The following NINJ2 variants were observed in gnomAD, a reference collection of about 807,000 sequenced individuals.
NINJ2 encodes ninjurin 2.
In NINJ2, 12 loss-of-function variants were observed where a neutral mutation model predicts 11.7. The ratio of observed to expected loss-of-function variants is 1.02; its 90% CI spans 0.66 to 1.66. The LOEUF (loss-of-function observed/expected upper bound fraction) is 1.66, where lower values mean the gene tolerates loss of function less well. Among genes scored for constraint, NINJ2 ranks in the 40% most tolerant of loss-of-function variants. The probability of loss-of-function intolerance (pLI) is 0.00; values close to 1 mark genes in which losing one functional copy is unlikely to be tolerated. For synonymous variants in NINJ2, 93 were observed against 76.8 expected (o/e 1.21, Z -1.10); for missense variants, 187 against 181.8 (o/e 1.03, Z -0.16).
intron 1 of NINJ2, among the ~76,000 whole-genome samples, chr12:662,225 C>T (rs545571110): frequency 2.6e-5 from 4 of 152,294 alleles, no homozygotes; most frequent in East Asian, 1.9e-4. Context: ...GCGGTGGGAC[C>T]GCTCTCGGGG....
chr12:637,772 C>T (rs1948370429), intron 1 of NINJ2, among the ~76,000 whole-genome samples: 1 of 152,132 alleles, frequency 6.6e-6, no homozygotes, highest in Admixed American at 6.5e-5. Context: ...CCTGTGGCAA[C>T]CAGGTGTTGC....
chr12:610,711 C>T (rs1948017353), intron 1 of NINJ2: 1 of 501,338 alleles, frequency 2.0e-6, no homozygotes. Flanking sequence ...AGGACAACCA[C>T]AGCACTGGAA....
At chr12:576,458 A>G (rs1280381105) in intron 1 of NINJ2, among the ~76,000 whole-genome samples, 1 of 152,058 alleles carries the variant, frequency 6.6e-6, no homozygotes, top group Non-Finnish European at 1.5e-5. Context: ...GTGCGTTGAA[A>G]CCGGAACTCG....
In NINJ2 at chr12:580,886, ATGTGTCTG is replaced by A. The variant is rs933982923; in HGVS notation, c.34-14716_34-14709del. Reference sequence around the variant, plus strand: ...AGTGTCTGTGTGAATGTGTCTATGCATGTGTCTGTGTGTCTGTGTGTGTGTCTGTATGT... The same window carrying A: ...AGTGTCTGTGTGAATGTGTCTATGCATGTGTCTGTGTGTGTGTCTGTATGT... On this transcript the variant is annotated intron_variant, in intron 1 of 3. Transcript: ENST00000305108. This position sits in a 1 kb window ranked among gnomAD's most constrained non-coding sequence, Gnocchi z 4.7. Among the ~76,000 whole-genome samples, 14 of 149,066 alleles carry A rather than the reference ATGTGTCTG, an allele frequency of 9.4e-5. No homozygotes were observed. Among genetic ancestry groups the A allele is most frequent in the African/African-American group, 2.0e-4 (8 of 40,202 alleles).
At chr12:629,179 C>A (rs570021348) in intron 1 of NINJ2, among the ~76,000 whole-genome samples, 15 of 152,314 alleles carry the variant, frequency 9.8e-5, no homozygotes, top group Non-Finnish European at 2.1e-4. Flanking sequence ...GGCAATGATA[C>A]CCTCTTATTG....
At chr12:584,401 TG>T (rs1243977794) in intron 1 of NINJ2, among the ~76,000 whole-genome samples, 1 of 152,208 alleles carries the variant, frequency 6.6e-6, no homozygotes, top group Non-Finnish European at 1.5e-5. Context: ...CTGGACACGG[TG>T]GCTCACGCCT....
rs572719222 is a variant in NINJ2, at chr12:628,143, C to T, written c.33+35185G>A. Among the ~76,000 whole-genome samples the T allele has an allele frequency of 6.6e-6, 1 of 152,280 alleles. No individual in the cohort carries two copies. The highest frequency in any genetic ancestry group is 1.9e-4 in the East Asian group (1 of 5,148). On this transcript the variant is annotated intron_variant, in intron 1 of 3. Transcript: ENST00000305108. The surrounding 1 kb of genome is among the most constrained non-coding windows in gnomAD (Gnocchi z 4.4). ...GCCAGAGCCTGCAGGATCCCTGCAC[C>T]GCTTTACTGGATCCCCAGGTTGAGC...
At chr12:609,142 C>A (rs1947981076) in intron 1 of NINJ2, among the ~76,000 whole-genome samples, 1 of 90,134 alleles carries the variant, frequency 1.1e-5, no homozygotes, top group Non-Finnish European at 2.2e-5. Flanking sequence ...ACGCACGGCG[C>A]CACGCTAGGG....
chr12:655,697 G>C (rs1373515307), intron 1 of NINJ2, among the ~76,000 whole-genome samples: 2 of 152,052 alleles, frequency 1.3e-5, no homozygotes, highest in Non-Finnish European at 2.9e-5. Context: ...TGGATCACTT[G>C]AGGTCAGGAG....
At chr12:571,885 G>A (rs1175568689) in intron 1 of NINJ2, among the ~76,000 whole-genome samples, 1 of 152,224 alleles carries the variant, frequency 6.6e-6, no homozygotes, top group Admixed American at 6.5e-5. Flanking sequence ...ACCCCAGAGT[G>A]GTAAGTAACT....
chr12:629,944 A>T (rs7299194), intron 1 of NINJ2, among the ~76,000 whole-genome samples: 102,086 of 108,856 alleles, frequency 0.94, 48,475 homozygotes, highest in East Asian at 1. Flanking sequence ...GCGATTTTTT[A>T]AAAGTGTATC....
intron 1 of NINJ2, among the ~76,000 whole-genome samples, chr12:600,653 GGT>G (rs58255968): frequency 0.24 from 34,322 of 141,420 alleles, 4,218 homozygotes; most frequent in East Asian, 0.34. Flanking sequence ...ATTTTTTTGG[GGT>G]GTGTGTGTGT....
At position 640,159 on chromosome 12, in the gene NINJ2, C is replaced by T. The variant is rs1270596500; in HGVS notation, c.33+23169G>A. ...ATACACTGGAACTGGCAGTAATGATCTCACAAAAGCAGGAAAGCTGAGCAG... is the reference window on the plus strand; with the variant it reads ...ATACACTGGAACTGGCAGTAATGATTTCACAAAAGCAGGAAAGCTGAGCAG... On this transcript the variant is annotated intron_variant, in intron 1 of 3. Transcript: ENST00000305108. This position sits in a 1 kb window ranked among gnomAD's most constrained non-coding sequence, Gnocchi z 4.0. Among the ~76,000 whole-genome samples the T allele has an allele frequency of 6.6e-6, 1 of 152,206 alleles. No homozygotes were observed. Among genetic ancestry groups the T allele is most frequent in the Non-Finnish European group, 1.5e-5 (1 of 68,034 alleles).
At chr12:642,868 G>GGCTC (rs1948439242) in intron 1 of NINJ2, 1 of 150,748 alleles carries the variant, frequency 6.6e-6, no homozygotes, top group African/African-American at 2.4e-5. Flanking sequence ...TCCCCTGCCC[G>GGCTC]GCTCGCCCGC....
chr12:657,988 CTTTTTTTT>C (rs1164230214), intron 1 of NINJ2, among the ~76,000 whole-genome samples: 3 of 54,398 alleles, frequency 5.5e-5, no homozygotes, highest in East Asian at 6.6e-4. Context: ...CCTACACAGG[CTTTTTTTT>C]TTTTTTTTTT....
At chr12:575,921 G>C (rs933748638) in intron 1 of NINJ2, among the ~76,000 whole-genome samples, 5 of 152,236 alleles carry the variant, frequency 3.3e-5, no homozygotes, top group Non-Finnish European at 5.9e-5. Context: ...CTCAGGGAAT[G>C]AATGACTGGG....
At chr12:645,919 T>G (rs1462826054) in intron 1 of NINJ2, 1 of 152,164 alleles carries the variant, frequency 6.6e-6, no homozygotes, top group Non-Finnish European at 1.5e-5. Flanking sequence ...TACCTCCCTT[T>G]CAAGGGAGCA....
intron 2 of NINJ2, 21 bp downstream of exon 2, chr12:565,929 A>G (rs1216530146): frequency 1.2e-6 from 2 of 1,606,332 alleles, no homozygotes; most frequent in South Asian, 1.1e-5. Flanking sequence ...AGAAGGTCTG[A>G]CTGCAGGCTG....
intron 1 of NINJ2, among the ~76,000 whole-genome samples, chr12:625,687 G>T (rs534970269): frequency 1.3e-5 from 2 of 152,288 alleles, no homozygotes; most frequent in Admixed American, 1.3e-4. Flanking sequence ...ATAGTTGTTA[G>T]GGGCAGAGTC....
Sources: allele counts gnomAD v4.1 joint callset (sites outside exome capture counted in the v4.1 genomes callset), GRCh38; gene constraint gnomAD v4.1.1; non-coding constraint Gnocchi (gnomAD v3.1); transcripts MANE v1.5; gene names NCBI Gene and HGNC (gene_info 2026-07-23, HGNC 2026-07-21).